LGR6: variants seen among roughly 807,000 people sequenced by gnomAD.
The protein encoded by LGR6 is leucine-rich repeat-containing G protein-coupled receptor 6.
LGR6 carries 45 observed loss-of-function variants against 69.4 expected under a neutral mutation model. The observed-to-expected ratio is 0.65, with a 90% confidence interval of 0.51 to 0.83. The LOEUF (loss-of-function observed/expected upper bound fraction) is 0.83, where lower values mean the gene tolerates loss of function less well. Ranked by LOEUF, LGR6 falls within the 40% of genes least tolerant of loss-of-function variation. The pLI is 0.00. For missense variants in LGR6, 1,108 were observed against 1,246.7 expected, an observed-to-expected ratio of 0.89 and a Z score of 1.68; for synonymous variants, 538 against 555.0, an observed-to-expected ratio of 0.97 and a Z score of 0.43.
intron 16 of LGR6, 31 bp downstream of exon 16, chr1:202,310,388 G>A (rs776799707): frequency 2.5e-6 from 4 of 1,608,490 alleles, no homozygotes; most frequent in Non-Finnish European, 3.4e-6. Flanking sequence ...GGTTGGGGAG[G>A]GTAGTGGGCT....
chr1:202,237,760 T>C (rs920618743), intron 4 of LGR6, among the ~76,000 whole-genome samples: 5 of 152,146 alleles, frequency 3.3e-5, no homozygotes, highest in Non-Finnish European at 5.9e-5. Context: ...ACTCCCCCAG[T>C]TATAAGGCAG....
At chr1:202,294,668 C>A (rs1241926916) in intron 6 of LGR6, among the ~76,000 whole-genome samples, 1 of 152,180 alleles carries the variant, frequency 6.6e-6, no homozygotes, top group Non-Finnish European at 1.5e-5. Flanking sequence ...GGCTGTGAGG[C>A]CTCATGTGAT....
chr1:202,317,000 C>T (rs773130805), intron 17 of LGR6, among the ~76,000 whole-genome samples: 3 of 152,172 alleles, frequency 2.0e-5, no homozygotes, highest in African/African-American at 2.4e-5. Flanking sequence ...CTCCGAAATA[C>T]TGATTGACTG....
intron 11 of LGR6, among the ~76,000 whole-genome samples, chr1:202,305,288 C>T (rs576996091): frequency 2.3e-4 from 35 of 152,246 alleles, no homozygotes; most frequent in Middle Eastern, 3.4e-3. Flanking sequence ...CTAAGGGCCT[C>T]CAGCTCTGAT....
chr1:202,244,542 G>A (rs745640530), intron 4 of LGR6, among the ~76,000 whole-genome samples: 3 of 151,972 alleles, frequency 2.0e-5, no homozygotes, highest in Non-Finnish European at 4.4e-5. Context: ...CCTTGTGGCT[G>A]CATCACTCCA....
intron 17 of LGR6, among the ~76,000 whole-genome samples, chr1:202,316,590 A>G (rs1183299615): frequency 6.6e-6 from 1 of 152,186 alleles, no homozygotes; most frequent in Non-Finnish European, 1.5e-5. Flanking sequence ...GAAAACCTAT[A>G]TGTATGTATG....
chr1:202,231,548 C>T (rs745691450), intron 3 of LGR6, among the ~76,000 whole-genome samples: 13 of 152,234 alleles, frequency 8.5e-5, no homozygotes, highest in Non-Finnish European at 1.2e-4. Context: ...GACCCCAGAA[C>T]AGATGTTAAG....
intron 8 of LGR6, 75 bp from the exon 9 acceptor site, chr1:202,301,089 A>G: frequency 6.9e-7 from 1 of 1,446,702 alleles, no homozygotes. Flanking sequence ...ATAGGAGAAG[A>G]AAGCAGAGAT....
At position 202,318,689 on chromosome 1, in the gene LGR6, T is replaced by C; in HGVS notation, c.2386T>C (p.Ser796Pro). The change falls in exon 18 of 18, where the codon TCC becomes CCC. Residue 796 changes from serine to proline, a missense_variant. Transcript: ENST00000367278. ...TCCCGTGGCCTTCCTCAGCTTTGCCTCCATGCTGGGCCTCTTCCCTGTCAC... is the reference window on the plus strand; with the variant it reads ...TCCCGTGGCCTTCCTCAGCTTTGCCCCCATGCTGGGCCTCTTCCCTGTCAC... ...YCPVAFLSFA[S>P]MLGLFPVTPE... 3 of 1,613,618 alleles carry C rather than the reference T, an allele frequency of 1.9e-6. No homozygotes were observed. The highest frequency in any genetic ancestry group is 2.5e-6 in the Non-Finnish European group (3 of 1,180,008).
chr1:202,285,811 T>C (rs1030502762), intron 6 of LGR6, among the ~76,000 whole-genome samples: 4 of 152,186 alleles, frequency 2.6e-5, no homozygotes, highest in Non-Finnish European at 5.9e-5. Flanking sequence ...ATTTAGTGGC[T>C]TAAAAAAACA....
At chr1:202,226,226 C>T (rs907475833) in intron 2 of LGR6, among the ~76,000 whole-genome samples, 1 of 152,112 alleles carries the variant, frequency 6.6e-6, no homozygotes, top group African/African-American at 2.4e-5. Flanking sequence ...TCATTCTGTC[C>T]CAATCCTTGC....
chr1:202,304,527 T>C, intron 10 of LGR6, 32 bp from the exon 11 acceptor site: 2 of 1,561,246 alleles, frequency 1.3e-6, no homozygotes, highest in East Asian at 2.3e-5. Flanking sequence ...GCCCTGGGCC[T>C]GGTGCCAGCT....
intron 2 of LGR6, among the ~76,000 whole-genome samples, chr1:202,226,366 T>C (rs975980299): frequency 1.3e-5 from 2 of 152,208 alleles, no homozygotes; most frequent in Non-Finnish European, 2.9e-5. Context: ...TCTTTTAGAA[T>C]TTGTCTAGCT....
chr1:202,233,666 G>A (rs1172746459), intron 3 of LGR6, among the ~76,000 whole-genome samples: 2 of 152,180 alleles, frequency 1.3e-5, no homozygotes, highest in African/African-American at 4.8e-5. Flanking sequence ...AGAGAGGGGA[G>A]AGGAAGTGAC....
intron 4 of LGR6, among the ~76,000 whole-genome samples, chr1:202,252,027 G>A (rs552317466): frequency 6.6e-6 from 1 of 152,122 alleles, no homozygotes; most frequent in South Asian, 2.1e-4. Flanking sequence ...GTGTGGTGAA[G>A]GGGGTGCCCA....
chr1:202,251,322 C>T (rs763620273), intron 4 of LGR6, among the ~76,000 whole-genome samples: 6 of 152,280 alleles, frequency 3.9e-5, no homozygotes, highest in Middle Eastern at 3.4e-3. Flanking sequence ...TTTAAAAAAG[C>T]GATACAGTGT....
intron 1 of LGR6, among the ~76,000 whole-genome samples, chr1:202,217,464 A>AC (rs941892193): frequency 6.2e-5 from 8 of 129,574 alleles, no homozygotes; most frequent in Non-Finnish European, 1.4e-4. Flanking sequence ...AAAACAAAAA[A>AC]CAAAAAACCC....
intron 7 of LGR6, among the ~76,000 whole-genome samples, chr1:202,299,593 G>T (rs1667429716): frequency 6.6e-6 from 1 of 152,170 alleles, no homozygotes; most frequent in African/African-American, 2.4e-5. Flanking sequence ...ATCCCTCAGA[G>T]CTTGGCCCAA....
At chr1:202,301,973 C>T (rs1186121678) in intron 9 of LGR6, among the ~76,000 whole-genome samples, 4 of 151,990 alleles carry the variant, frequency 2.6e-5, no homozygotes, top group African/African-American at 9.7e-5. Context: ...GAGCCGAGAT[C>T]GCGCCATTGC....
Sources: gnomAD v4.1 joint callset for allele counts (sites outside exome capture counted in the v4.1 genomes callset) on GRCh38, gnomAD v4.1.1 for gene constraint, MANE v1.5 for transcripts, NCBI Gene and HGNC (gene_info 2026-07-23, HGNC 2026-07-21) for gene names.